Variants in EBF2 observed in about 807,000 individuals in gnomAD.
The protein encoded by EBF2 is EBF transcription factor 2.
Under a neutral mutation model 72.8 loss-of-function variants are expected in EBF2, and 21 were observed. The ratio of observed to expected loss-of-function variants is 0.29; its 90% confidence interval spans 0.20 to 0.42. EBF2 has a LOEUF of 0.42. Ranked by LOEUF, EBF2 falls within the 10% of genes least tolerant of loss-of-function variation. The pLI is 1.00. For synonymous variants in EBF2, 299 were observed against 274.2 expected, an observed-to-expected ratio of 1.09 and a Z score of -0.89; for missense variants, 637 against 731.2, an observed-to-expected ratio of 0.87 and a Z score of 1.49.
intron 6 of EBF2, among the ~76,000 whole-genome samples, chr8:25,994,323 A>C (rs1804589211): frequency 6.6e-6 from 1 of 152,212 alleles, no homozygotes; most frequent in Non-Finnish European, 1.5e-5. Flanking sequence ...AATAGGAATG[A>C]TGTAAGGCAA....
At chr8:25,908,791 C>CTTAACCA (rs1803081582) in intron 6 of EBF2, among the ~76,000 whole-genome samples, 1 of 152,276 alleles carries the variant, frequency 6.6e-6, no homozygotes, top group South Asian at 2.1e-4. Context: ...AAGTGGTTCA[C>CTTAACCA]AAGGTGGGCT....
At chr8:26,031,248 G>A (rs561126534) in intron 6 of EBF2, among the ~76,000 whole-genome samples, 1 of 152,020 alleles carries the variant, frequency 6.6e-6, no homozygotes, top group Non-Finnish European at 1.5e-5. Context: ...AAAGGACAGG[G>A]TCTAGGCTGC....
At chr8:25,865,490 T>C (rs1393660515) in intron 10 of EBF2, among the ~76,000 whole-genome samples, 1 of 152,088 alleles carries the variant, frequency 6.6e-6, no homozygotes, top group Non-Finnish European at 1.5e-5. Flanking sequence ...AGCTCCACAA[T>C]GTATGTGAAC....
intron 13 of EBF2, among the ~76,000 whole-genome samples, chr8:25,859,797 G>A (rs1438380451): frequency 6.6e-6 from 1 of 151,068 alleles, no homozygotes; most frequent in Non-Finnish European, 1.5e-5. Flanking sequence ...GCTCACTGCA[G>A]CTTCAACCTC....
intron 6 of EBF2, among the ~76,000 whole-genome samples, chr8:26,028,073 T>G (rs1013040155): frequency 2.0e-5 from 3 of 152,150 alleles, no homozygotes; most frequent in African/African-American, 7.2e-5. Flanking sequence ...GTGGATGTAT[T>G]TCATGCCACC....
chr8:25,847,836 C>T (rs1190942598), intron 15 of EBF2, among the ~76,000 whole-genome samples: 3 of 152,072 alleles, frequency 2.0e-5, no homozygotes, highest in Non-Finnish European at 4.4e-5. Context: ...GGCTACTGCC[C>T]TAAATCGACA....
chr8:25,993,829 C>T (rs947371067), intron 6 of EBF2, among the ~76,000 whole-genome samples: 4 of 151,988 alleles, frequency 2.6e-5, no homozygotes, highest in African/African-American at 9.7e-5. Context: ...TATTATGTTC[C>T]AGGAATAATC....
chr8:25,904,448 G>A (rs1165456336), intron 7 of EBF2, among the ~76,000 whole-genome samples: 2 of 151,316 alleles, frequency 1.3e-5, no homozygotes, highest in African/African-American at 4.9e-5. Context: ...GTAAGGGAAG[G>A]AGGGGGGAGA....
At chr8:25,884,576 T>G (rs1802659228) in intron 10 of EBF2, among the ~76,000 whole-genome samples, 1 of 152,186 alleles carries the variant, frequency 6.6e-6, no homozygotes, top group South Asian at 2.1e-4. Context: ...TGTCTTCCCC[T>G]CTATAATACA....
At chr8:25,985,229 G>A (rs1248991187) in intron 6 of EBF2, among the ~76,000 whole-genome samples, 8 of 152,132 alleles carry the variant, frequency 5.3e-5, no homozygotes, top group African/African-American at 1.9e-4. Context: ...GTGTAAGAGT[G>A]CCCTTTAGAA....
chr8:25,890,561 A>T (rs919237195), intron 7 of EBF2, among the ~76,000 whole-genome samples: 1 of 152,212 alleles, frequency 6.6e-6, no homozygotes, highest in African/African-American at 2.4e-5. Flanking sequence ...ACCATGATCA[A>T]ATTACTTCAC....
chr8:25,956,515 C>G (rs1803950746), intron 6 of EBF2, among the ~76,000 whole-genome samples: 1 of 152,108 alleles, frequency 6.6e-6, no homozygotes, highest in African/African-American at 2.4e-5. Context: ...TTTAGTGTAG[C>G]CATCATCTCA....
At chr8:25,853,172 A>T (rs1019809824) in intron 14 of EBF2, among the ~76,000 whole-genome samples, 1 of 152,230 alleles carries the variant, frequency 6.6e-6, no homozygotes, top group Non-Finnish European at 1.5e-5. Context: ...AAAATTGTAA[A>T]AGTGCTAGTA....
chr8:25,990,362 T>C (rs1234079631), intron 6 of EBF2, among the ~76,000 whole-genome samples: 2 of 152,206 alleles, frequency 1.3e-5, no homozygotes, highest in African/African-American at 4.8e-5. Flanking sequence ...TGTAACGTTG[T>C]TTTAAACAGA....
chr8:26,034,852 G>T (rs1279281750), intron 5 of EBF2, among the ~76,000 whole-genome samples: 1 of 152,216 alleles, frequency 6.6e-6, no homozygotes, highest in Non-Finnish European at 1.5e-5. Context: ...GCATAAGTTT[G>T]ACATGATACC....
rs566494515 is a variant in EBF2 at position 25,931,989 on chromosome 8, T to TGGCTTTGATCTTGCTAGC, written c.552-23452_552-23435dup. The stretch of plus-strand genomic sequence containing the variant: ...TTAGGCAGCTTTCAGAGAGTTTGAT[T>TGGCTTTGATCTTGCTAGC]GGCTTTGATCTTGCTAGCAAGGCAT... On this transcript the variant is annotated intron_variant, in intron 6 of 15. Transcript: ENST00000520164. Among the ~76,000 whole-genome samples the TGGCTTTGATCTTGCTAGC allele has an allele frequency of 6.9e-3, 1,044 of 152,290 alleles. 3 individuals carry two copies. Among genetic ancestry groups the TGGCTTTGATCTTGCTAGC allele is most frequent in the Non-Finnish European group, 0.011 (759 of 68,014 alleles).
At chr8:25,925,257 A>T (rs955026386) in intron 6 of EBF2, among the ~76,000 whole-genome samples, 4 of 152,110 alleles carry the variant, frequency 2.6e-5, no homozygotes, top group East Asian at 1.9e-4. Context: ...TATACTCATG[A>T]CATATTTTAT....
intron 5 of EBF2, among the ~76,000 whole-genome samples, chr8:26,034,992 G>A (rs1805474139): frequency 6.6e-6 from 1 of 152,228 alleles, no homozygotes; most frequent in African/African-American, 2.4e-5. Context: ...TGAAAGTGTT[G>A]GATTTGATTC....
chr8:25,920,891 T>A (rs978817404), intron 6 of EBF2, among the ~76,000 whole-genome samples: 1 of 152,136 alleles, frequency 6.6e-6, no homozygotes, highest in African/African-American at 2.4e-5. Context: ...TGTAGTGTGC[T>A]TTTTTTATGT....
Sources: allele counts gnomAD v4.1 joint callset (sites outside exome capture counted in the v4.1 genomes callset), GRCh38; gene constraint gnomAD v4.1.1; transcripts MANE v1.5; gene names NCBI Gene and HGNC (gene_info 2026-07-23, HGNC 2026-07-21).